FAM204A: variants seen among roughly 807,000 people sequenced by gnomAD.
The protein encoded by FAM204A is protein FAM204A.
Under a neutral mutation model 35.4 loss-of-function variants are expected in FAM204A, and 16 were observed. The ratio of observed to expected loss-of-function variants is 0.45; its 90% confidence interval spans 0.31 to 0.69. The LOEUF (loss-of-function observed/expected upper bound fraction) is 0.69. Among genes scored for constraint, FAM204A ranks in the 30% least tolerant of loss-of-function variants. The pLI is 0.07. For synonymous variants in FAM204A, 76 were observed against 86.9 expected (o/e 0.88, Z 0.70); for missense variants, 240 against 265.7 (o/e 0.90, Z 0.67).
chr10:118,298,109 CTCCTT>C lies in FAM204A; in HGVS notation c.*12743_*12747del, dbSNP rs1845768755. On this transcript the variant is annotated 3_prime_UTR_variant, in exon 9 of 9. Transcript: ENST00000369183. Reference sequence around the variant, plus strand: ...CCTCTGGGCAGCACACTACTGCCATCTCCTTTATCTTAAATGTGTGTGGGAGTGAG... The same window carrying C: ...CCTCTGGGCAGCACACTACTGCCATCTATCTTAAATGTGTGTGGGAGTGAG... 2 of 152,178 alleles carry C rather than the reference CTCCTT, an allele frequency of 1.3e-5. No homozygotes were observed. The highest frequency in any genetic ancestry group is 2.9e-5 in the Non-Finnish European group (2 of 68,058). 9.4% of individuals were successfully genotyped at this position (152,178 alleles called of 1,614,324 possible).
At position 118,342,286 on chromosome 10, in the gene FAM204A, G is replaced by C. The variant is rs12783686; in HGVS notation, c.-226C>G. The C allele has an allele frequency of 6.6e-6, 1 of 152,420 alleles. No homozygotes were observed. The allele number at this position is 152,420 out of a possible 1,614,324, so 9.4% of individuals were successfully genotyped here. ...CGTACTCACCTGTCAGGAAGTGGTC[G>C]CCCAGCAGCCATCTTAGGACCCCGT... On this transcript the variant is annotated 5_prime_UTR_variant, in exon 1 of 9. Transcript: ENST00000369183.
chr10:118,326,452 TAATAAA>T (rs1273187232), intron 6 of FAM204A: 3 of 498,396 alleles, frequency 6.0e-6, no homozygotes, highest in African/African-American at 2.0e-5. Context: ...CTTCTTGAAC[TAATAAA>T]AATAAGACGC....
At chr10:118,330,821 C>A (rs1275786685) in intron 6 of FAM204A, among the ~76,000 whole-genome samples, 6 of 152,152 alleles carry the variant, frequency 3.9e-5, no homozygotes, top group African/African-American at 1.4e-4. Context: ...CAGGATCAGA[C>A]CTAGGTTCAG....
At chr10:118,335,963 GTT>G (rs78235738) in intron 3 of FAM204A, 184 of 453,182 alleles carry the variant, frequency 4.1e-4, no homozygotes, top group Non-Finnish European at 4.4e-4. Context: ...AGTGGTTTGG[GTT>G]TTTTTTTTTT....
chr10:118,328,937 T>A (rs555590681), intron 6 of FAM204A, among the ~76,000 whole-genome samples: 1 of 152,348 alleles, frequency 6.6e-6, no homozygotes, highest in Admixed American at 6.5e-5. Flanking sequence ...TTACTTTCTA[T>A]GAGCTGGTTT....
rs1203441131 is a variant in FAM204A, at chr10:118,305,766, C to T, written c.*5091G>A. 2 of 152,198 alleles carry T rather than the reference C, an allele frequency of 1.3e-5. No homozygotes were observed. The highest frequency in any genetic ancestry group is 4.8e-5 in the African/African-American group (2 of 41,446). The allele number at this position is 152,198 out of a possible 1,614,324, so 9.4% of individuals were successfully genotyped here. On this transcript the variant is annotated 3_prime_UTR_variant, in exon 9 of 9. Transcript: ENST00000369183. ...CATCTGCAAGAGTTAGTTTATCTGACATATAGTAGGCATTCAGGAAATGTT... is the reference window on the plus strand; with the variant it reads ...CATCTGCAAGAGTTAGTTTATCTGATATATAGTAGGCATTCAGGAAATGTT...
rs187691924 is a variant in FAM204A, at chr10:118,304,478, G to A, written c.*6379C>T. On this transcript the variant is annotated 3_prime_UTR_variant, in exon 9 of 9. Transcript: ENST00000369183. ...TCTCCCCAGCATCTCTCAAAGTTGTGTGTGAGTTGGTTCTGGCCAGCTCTT... is the reference window on the plus strand; with the variant it reads ...TCTCCCCAGCATCTCTCAAAGTTGTATGTGAGTTGGTTCTGGCCAGCTCTT... The A allele has an allele frequency of 2.0e-5, 3 of 152,494 alleles. No individual in the cohort carries two copies. The highest frequency in any genetic ancestry group is 6.5e-5 in the Admixed American group (1 of 15,296). 9.4% of individuals were successfully genotyped at this position (152,494 alleles called of 1,614,324 possible). A position where few individuals can be genotyped will look rare whatever the true frequency, so the allele number is the denominator to read the frequency against.
intron 2 of FAM204A, among the ~76,000 whole-genome samples, chr10:118,341,001 G>A (rs1846470278): frequency 6.6e-6 from 1 of 152,178 alleles, no homozygotes; most frequent in African/African-American, 2.4e-5. Context: ...TATAATTACA[G>A]ACTTGTTAAA....
chr10:118,324,570 T>G (rs1846168753), intron 7 of FAM204A, among the ~76,000 whole-genome samples: 1 of 152,196 alleles, frequency 6.6e-6, no homozygotes, highest in Non-Finnish European at 1.5e-5. Flanking sequence ...GACACTATGT[T>G]AAGTGAAATA....
In FAM204A at chr10:118,305,476, C is replaced by T; in HGVS notation, c.*5381G>A. 1 of 152,250 alleles carries T rather than the reference C, an allele frequency of 6.6e-6. No homozygotes were observed. The highest frequency in any genetic ancestry group is 1.9e-4 in the East Asian group (1 of 5,196). The allele number at this position is 152,250 out of a possible 1,614,324, so 9.4% of individuals were successfully genotyped here. A position where few individuals can be genotyped will look rare whatever the true frequency, so the allele number is the denominator to read the frequency against. ...ACAGTCAGGGCATCAATCCCACCCA[C>T]TCTGATGTGAGCAAGTATGGATCAG... On this transcript the variant is annotated 3_prime_UTR_variant, in exon 9 of 9. Coordinates refer to ENST00000369183, the MANE Select transcript of FAM204A (RefSeq NM_022063.3).
intron 7 of FAM204A, among the ~76,000 whole-genome samples, chr10:118,325,454 TA>T (rs1019430198): frequency 3.4e-5 from 5 of 148,922 alleles, no homozygotes; most frequent in African/African-American, 9.8e-5. Context: ...ATCAAGGCAC[TA>T]AAAAAAAAGA....
intron 6 of FAM204A, among the ~76,000 whole-genome samples, chr10:118,330,591 T>C (rs1167315093): frequency 1.3e-5 from 2 of 152,208 alleles, no homozygotes; most frequent in African/African-American, 4.8e-5. Flanking sequence ...TTCTATCACA[T>C]TTTCAGCTTT....
intron 8 of FAM204A, 89 bp downstream of exon 8, chr10:118,311,118 C>T: frequency 8.1e-7 from 1 of 1,230,942 alleles, no homozygotes; most frequent in South Asian, 1.3e-5. Context: ...AATGAGTTAA[C>T]AGTTATACAC....
chr10:118,331,746 T>A (rs1002095176), intron 6 of FAM204A, among the ~76,000 whole-genome samples: 1 of 151,550 alleles, frequency 6.6e-6, no homozygotes, highest in African/African-American at 2.4e-5. Flanking sequence ...TAGGAAAAAA[T>A]GAGGCAATCT....
intron 6 of FAM204A, among the ~76,000 whole-genome samples, chr10:118,329,039 T>G (rs1846246952): frequency 1.3e-5 from 2 of 152,194 alleles, no homozygotes; most frequent in Admixed American, 1.3e-4. Flanking sequence ...ACTGAAGGCC[T>G]ACAAAGGCAA....
At chr10:118,326,304 G>T in intron 6 of FAM204A, 61 bp from the exon 7 acceptor site, 1 of 1,385,650 alleles carries the variant, frequency 7.2e-7, no homozygotes, top group Non-Finnish European at 1.0e-6. Context: ...TGCTAGCCAA[G>T]ACCATGTCAC....
rs1589730190 is a variant in FAM204A at position 118,335,149 on chromosome 10, A to G, written c.418T>C (p.Phe140Leu). The G allele has an allele frequency of 1.9e-6, 3 of 1,613,528 alleles. No individual in the cohort carries two copies. Among genetic ancestry groups the G allele is most frequent in the East Asian group, 4.5e-5 (2 of 44,810 alleles). Reference sequence around the variant, plus strand: ...TTTTTCCTTTTAACAGGCGGGTCAAATCTATCATTGACTCCAAAATACTGA... The same window carrying G: ...TTTTTCCTTTTAACAGGCGGGTCAAGTCTATCATTGACTCCAAAATACTGA... Reference protein sequence around the residue: ...LTQYFGVNDRFDPPVKRKKVE... With the variant: ...LTQYFGVNDRLDPPVKRKKVE... Residue 140 changes from phenylalanine to leucine, a missense_variant, in exon 6 of 9, where the codon TTT becomes CTT. Phe to Leu is a conservative substitution (Grantham distance 22). Transcript: ENST00000369183.
chr10:118,317,421 GGTTA>G (rs1232232520), intron 7 of FAM204A, among the ~76,000 whole-genome samples: 2 of 151,858 alleles, frequency 1.3e-5, no homozygotes, highest in African/African-American at 2.4e-5. Context: ...CTTTTTTTAA[GGTTA>G]GTTAAAAGCA....
In FAM204A at chr10:118,300,962, A is replaced by G. The variant is rs1845802552; in HGVS notation, c.*9895T>C. 6.6e-6 allele frequency: 1 copy of G among 152,226 alleles called. No individual in the cohort carries two copies. The highest frequency in any genetic ancestry group is 2.4e-5 in the African/African-American group (1 of 41,448). 9.4% of individuals were successfully genotyped at this position (152,226 alleles called of 1,614,324 possible). ...ATGTTCACAACCTCACACAGTAAGCATTATTAACAACAGCACTTTACAAAT... is the reference window on the plus strand; with the variant it reads ...ATGTTCACAACCTCACACAGTAAGCGTTATTAACAACAGCACTTTACAAAT... On this transcript the variant is annotated 3_prime_UTR_variant, in exon 9 of 9. Transcript: ENST00000369183.
Sources: allele counts gnomAD v4.1 joint callset (sites outside exome capture counted in the v4.1 genomes callset), GRCh38; gene constraint gnomAD v4.1.1; transcripts MANE v1.5; gene names NCBI Gene and HGNC (gene_info 2026-07-23, HGNC 2026-07-21).